Variants in FGD6 observed in about 807,000 individuals in gnomAD.
FGD6 encodes FYVE, RhoGEF and PH domain-containing protein 6.
In FGD6, 90 loss-of-function variants were observed where a neutral mutation model predicts 149.4. The ratio of observed to expected loss-of-function variants is 0.60; its 90% confidence interval spans 0.51 to 0.72. The LOEUF (loss-of-function observed/expected upper bound fraction) is 0.72, where lower values mean the gene tolerates loss of function less well. FGD6 is among the 30% of genes least tolerant of loss of function. The pLI is 0.00. For missense variants in FGD6, 1,437 were observed against 1,684.8 expected, an observed-to-expected ratio of 0.85 and a Z score of 2.57; for synonymous variants, 527 against 584.0, an observed-to-expected ratio of 0.90 and a Z score of 1.41.
chr12:95,132,531 T>C (rs1349694543), intron 8 of FGD6, among the ~76,000 whole-genome samples: 1 of 152,078 alleles, frequency 6.6e-6, no homozygotes, highest in East Asian at 1.9e-4. Flanking sequence ...GGCAGGCGGA[T>C]CACAAGGTCA....
chr12:95,192,784 GT>G (rs1347487168), intron 2 of FGD6, among the ~76,000 whole-genome samples: 2 of 152,274 alleles, frequency 1.3e-5, no homozygotes, highest in East Asian at 3.9e-4. Flanking sequence ...TGTGAATTAG[GT>G]CTAGAAAGAT....
chr12:95,177,295 G>A (rs796815279), intron 2 of FGD6, among the ~76,000 whole-genome samples: 4 of 152,294 alleles, frequency 2.6e-5, no homozygotes, highest in African/African-American at 9.6e-5. Flanking sequence ...TAAGGGATCG[G>A]ATGGCCGAGA....
chr12:95,188,473 T>C (rs1810315536), intron 2 of FGD6, among the ~76,000 whole-genome samples: 1 of 152,078 alleles, frequency 6.6e-6, no homozygotes. Context: ...CTGTCAGCCT[T>C]TGTCTTTCTC....
intron 2 of FGD6, among the ~76,000 whole-genome samples, chr12:95,206,418 C>T (rs2056693114): frequency 6.6e-6 from 1 of 152,050 alleles, no homozygotes; most frequent in Admixed American, 6.6e-5. Context: ...GTAGTGGTGG[C>T]TCATGCCTGT....
intron 8 of FGD6, chr12:95,117,073 G>C (rs59454719): frequency 3.7e-6 from 1 of 271,748 alleles, no homozygotes. Context: ...CCTGGTATTC[G>C]GCAGAAGCTT....
intron 8 of FGD6, among the ~76,000 whole-genome samples, chr12:95,115,184 C>T (rs147538806): frequency 1.4e-5 from 2 of 145,404 alleles, no homozygotes; most frequent in African/African-American, 5.1e-5. Flanking sequence ...TCTCACATAG[C>T]ACTTAGTCAG....
intron 2 of FGD6, among the ~76,000 whole-genome samples, chr12:95,177,768 A>G (rs930940361): frequency 6.6e-6 from 1 of 152,162 alleles, no homozygotes; most frequent in African/African-American, 2.4e-5. Flanking sequence ...TAACTATAAA[A>G]TTGGTATACA....
chr12:95,097,992 C>T (rs111804136), intron 14 of FGD6, among the ~76,000 whole-genome samples: 2,721 of 152,240 alleles, frequency 0.018, 64 homozygotes, highest in African/African-American at 0.062. Flanking sequence ...TGGCAGGGAA[C>T]TCTCTGTGTA....
intron 5 of FGD6, among the ~76,000 whole-genome samples, chr12:95,144,254 G>A (rs890685143): frequency 1.3e-5 from 2 of 152,202 alleles, no homozygotes; most frequent in African/African-American, 4.8e-5. Context: ...GCTCGGAATG[G>A]ACTGATGGCC....
intron 14 of FGD6, among the ~76,000 whole-genome samples, chr12:95,095,740 G>A (rs952398949): frequency 1.3e-5 from 2 of 152,108 alleles, no homozygotes; most frequent in Admixed American, 6.6e-5. Context: ...TCGGCCAGGC[G>A]TGGTGGCTCA....
At chr12:95,152,215 G>C (rs1880330781) in intron 5 of FGD6, among the ~76,000 whole-genome samples, 1 of 151,980 alleles carries the variant, frequency 6.6e-6, no homozygotes, top group South Asian at 2.1e-4. Context: ...AGTCCCAGCT[G>C]CTCAGGAGCC....
At chr12:95,216,100 CT>C (rs1284254552) in intron 1 of FGD6, among the ~76,000 whole-genome samples, 1 of 152,210 alleles carries the variant, frequency 6.6e-6, no homozygotes, top group Non-Finnish European at 1.5e-5. Context: ...TTCTTGCTTT[CT>C]TTTCCTATTG....
intron 2 of FGD6, among the ~76,000 whole-genome samples, chr12:95,177,562 A>G (rs1395001861): frequency 6.6e-6 from 1 of 152,120 alleles, no homozygotes; most frequent in Non-Finnish European, 1.5e-5. Context: ...TCCTGGCCCA[A>G]ACTGAACAGA....
At position 95,172,690 on chromosome 12, in the gene FGD6, A is replaced by AT. The variant is rs1881028116; in HGVS notation, c.2495_2496insA (p.Asp833Ter). The AT allele has an allele frequency of 7.4e-6, 12 of 1,613,088 alleles. No individual in the cohort carries two copies. The highest frequency in any genetic ancestry group is 8.5e-6 in the Non-Finnish European group (10 of 1,179,460). ...AACTGTTGATGATTTCCTCCTCATC[A>AT]GAGGGAAGGTCACCAAGACCAAGAT... On this transcript the variant is annotated frameshift_variant, in exon 3 of 21. Coordinates refer to ENST00000343958, the MANE Select transcript of FGD6 (RefSeq NM_018351.4). LOFTEE classifies it high-confidence loss of function.
chr12:95,115,400 C>CTTTTT lies in FGD6; in HGVS notation c.3083-1704_3083-1700dup, dbSNP rs59390285. Among the ~76,000 whole-genome samples, 420 of 129,184 alleles carry CTTTTT rather than the reference C, an allele frequency of 3.3e-3. 7 individuals carry two copies. Among genetic ancestry groups the CTTTTT allele is most frequent in the Non-Finnish European group, 4.9e-3 (310 of 62,666 alleles). The allele number at this position is 129,184 out of a possible 152,430, so 84.7% of individuals were successfully genotyped here. ...CTACTGGTGTGTGCCTCCATGTCTG[C>CTTTTT]TTTTTTTTTTTTTTTTGCAGAGGCA... On this transcript the variant is annotated intron_variant, in intron 8 of 20. Transcript: ENST00000343958.
intron 2 of FGD6, among the ~76,000 whole-genome samples, chr12:95,190,145 T>A (rs1433150080): frequency 1.3e-5 from 2 of 152,236 alleles, no homozygotes; most frequent in South Asian, 2.1e-4. Context: ...TTTTATCTGT[T>A]GTACAGTAGG....
chr12:95,148,617 A>G (rs1314488900), intron 5 of FGD6, among the ~76,000 whole-genome samples: 4 of 130,180 alleles, frequency 3.1e-5, no homozygotes, highest in African/African-American at 1.2e-4. Context: ...TATATATATT[A>G]TATAATACAT....
intron 17 of FGD6, among the ~76,000 whole-genome samples, chr12:95,091,124 A>G (rs909852272): frequency 4.6e-5 from 7 of 152,186 alleles, no homozygotes; most frequent in Admixed American, 2.0e-4. Context: ...TTTAGATCCT[A>G]CAGGTTTCAG....
At chr12:95,109,665 C>G (rs1018081797) in intron 9 of FGD6, among the ~76,000 whole-genome samples, 2 of 152,062 alleles carry the variant, frequency 1.3e-5, no homozygotes, top group Admixed American at 1.3e-4. Context: ...GAGATCGAGA[C>G]CAGCCTCAGC....
Sources: allele counts gnomAD v4.1 joint callset (sites outside exome capture counted in the v4.1 genomes callset), GRCh38; gene constraint gnomAD v4.1.1; transcripts MANE v1.5; gene names NCBI Gene and HGNC (gene_info 2026-07-23, HGNC 2026-07-21).